FNTB: variants seen among roughly 807,000 people sequenced by gnomAD.
FNTB encodes the protein farnesyltransferase, CAAX box, subunit beta, also known as protein farnesyltransferase subunit beta.
Under a neutral mutation model 59.4 loss-of-function variants are expected in FNTB, and 27 were observed. The ratio of observed to expected loss-of-function variants is 0.45; its 90% CI spans 0.34 to 0.63. FNTB has a LOEUF of 0.63. Among genes scored for constraint, FNTB ranks in the 20% least tolerant of loss-of-function variants. The pLI is 0.02. For missense variants in FNTB, 449 were observed against 559.6 expected, an observed-to-expected ratio of 0.80 and a Z score of 1.99; for synonymous variants, 230 against 220.7, an observed-to-expected ratio of 1.04 and a Z score of -0.37.
intron 11 of FNTB, among the ~76,000 whole-genome samples, chr14:65,059,837 C>CTTTTTTTTT (rs34459085): frequency 1.5e-5 from 2 of 134,242 alleles, no homozygotes; most frequent in African/African-American, 2.8e-5. Flanking sequence ...GTCCTTTTTT[C>CTTTTTTTTT]TTTTTTTTTT....
rs1340431859 is a variant in FNTB at position 65,014,086 on chromosome 14, G to T, written c.283-1539G>T. 1.3e-5 allele frequency among the ~76,000 whole-genome samples: 2 copies of T among 152,194 alleles called. No homozygotes were observed. Among genetic ancestry groups the T allele is most frequent in the Non-Finnish European group, 2.9e-5 (2 of 68,038 alleles). ...GGATATCAGCATAGTTTTGAAGAGAGCAGCTTGGGCCAACGGAAAGAACAC... is the reference window on the plus strand; with the variant it reads ...GGATATCAGCATAGTTTTGAAGAGATCAGCTTGGGCCAACGGAAAGAACAC... On this transcript the variant is annotated intron_variant, in intron 3 of 11. Transcript: ENST00000246166. This position sits in a 1 kb window ranked among gnomAD's most constrained non-coding sequence, Gnocchi z 5.1.
chr14:65,055,855 G>C (rs2062724632), intron 11 of FNTB, among the ~76,000 whole-genome samples: 1 of 152,112 alleles, frequency 6.6e-6, no homozygotes, highest in Admixed American at 6.5e-5. Flanking sequence ...ATTTCAAATG[G>C]AAGAAACACA....
intron 7 of FNTB, among the ~76,000 whole-genome samples, chr14:65,037,521 A>C (rs2062229425): frequency 7.4e-6 from 1 of 135,190 alleles, no homozygotes; most frequent in Non-Finnish European, 1.5e-5. Flanking sequence ...TGTTGCCTCG[A>C]CTTTCCAGGC....
rs1434063712 is a variant in FNTB, at chr14:65,028,565, A to G, written c.605+784A>G. The stretch of plus-strand genomic sequence containing the variant: ...AGTTGATTAATAGTCTGGCTTAAGC[A>G]TCTGGTTTAACCATTGGTTTGAAAG... On this transcript the variant is annotated intron_variant, in intron 6 of 11. Transcript: ENST00000246166. The surrounding 1 kb of genome is among the most constrained non-coding windows in gnomAD (Gnocchi z 4.4). Among the ~76,000 whole-genome samples, 2 of 152,254 alleles carry G rather than the reference A, an allele frequency of 1.3e-5. No homozygotes were observed. Among genetic ancestry groups the G allele is most frequent in the East Asian group, 3.8e-4 (2 of 5,200 alleles).
chr14:65,051,535 C>T (rs943401871), intron 9 of FNTB, among the ~76,000 whole-genome samples: 13 of 151,648 alleles, frequency 8.6e-5, no homozygotes, highest in East Asian at 5.9e-4. Context: ...CGCTTGAACC[C>T]GGGAGGCGGA....
rs780658590 is a variant in FNTB, at chr14:65,054,630, C to A, written c.1123C>A (p.His375Asn). The A allele has an allele frequency of 6.2e-7, 1 of 1,613,884 alleles. No homozygotes were observed. Among genetic ancestry groups the A allele is most frequent in the East Asian group, 2.2e-5 (1 of 44,850 alleles). ...CCTGAGCGGCCTGTCCATAGCCCAG[C>A]ACTTCGGCAGCGGAGCCATGTTGCA... ...YCLSGLSIAQHFGSGAMLHDV... is the reference protein window; with the variant it reads ...YCLSGLSIAQNFGSGAMLHDV... Residue 375 changes from histidine (H) to asparagine (N), a missense_variant, in exon 11 of 12, where the codon CAC becomes AAC. Physicochemically the swap from His to Asn is moderately conservative, Grantham distance 68. Coordinates refer to ENST00000246166, the MANE Select transcript of FNTB (RefSeq NM_002028.4). The surrounding 1 kb of genome is among the most constrained non-coding windows in gnomAD (Gnocchi z 4.4).
chr14:65,035,222 G>C (rs1415272538), intron 7 of FNTB, among the ~76,000 whole-genome samples: 2 of 152,130 alleles, frequency 1.3e-5, no homozygotes, highest in Non-Finnish European at 2.9e-5. Flanking sequence ...TGCTGCTGCC[G>C]CCCTGGGCTA....
At chr14:64,999,455 A>G (rs980972359) in intron 1 of FNTB, among the ~76,000 whole-genome samples, 19 of 152,132 alleles carry the variant, frequency 1.2e-4, no homozygotes, top group African/African-American at 4.3e-4. Flanking sequence ...AAGAAAGTAA[A>G]TTAGTGGTTA....
Position 65,027,794 on chromosome 14 carries a change from T to G in FNTB, c.605+13T>G. On this transcript the variant is annotated intron_variant, in intron 6 of 11. Coordinates refer to ENST00000246166, the MANE Select transcript of FNTB (RefSeq NM_002028.4). The surrounding 1 kb of genome is among the most constrained non-coding windows in gnomAD (Gnocchi z 5.7). ...AGGTGGATGTGAGGTGAGTGGGGTT[T>G]TGCACAGGCTGCCACATCAGTTGAC... The G allele has an allele frequency of 1.2e-6, 2 of 1,614,038 alleles. No individual in the cohort carries two copies. Among genetic ancestry groups the G allele is most frequent in the Non-Finnish European group, 1.7e-6 (2 of 1,180,014 alleles).
intron 4 of FNTB, among the ~76,000 whole-genome samples, chr14:65,019,154 CAA>C (rs535881968): frequency 7.4e-4 from 113 of 151,908 alleles, no homozygotes; most frequent in South Asian, 1.7e-3. Flanking sequence ...GCCTGGGCAA[CAA>C]GAGTGAAACT....
chr14:64,993,358 C>T (rs973813431), intron 1 of FNTB, among the ~76,000 whole-genome samples: 6 of 152,350 alleles, frequency 3.9e-5, no homozygotes, highest in Non-Finnish European at 8.8e-5. Flanking sequence ...GGGATAATTA[C>T]TAAATTTGTG....
chr14:65,053,206 C>T (rs377408308), intron 9 of FNTB, 32 bp from the exon 10 acceptor site: 90 of 1,341,742 alleles, frequency 6.7e-5, no homozygotes, highest in Non-Finnish European at 8.2e-5. Flanking sequence ...CTGGATCTGC[C>T]GGGCCCTTAC....
chr14:65,039,805 A>G (rs1441636450), intron 7 of FNTB, among the ~76,000 whole-genome samples: 1 of 152,194 alleles, frequency 6.6e-6, no homozygotes, highest in Non-Finnish European at 1.5e-5. Context: ...AATAACGTTT[A>G]TTTTTTAATA....
rs762083594 is a variant in FNTB, at chr14:65,044,810, C to A, written c.955+367C>A. 2 of 202,906 alleles carry A rather than the reference C, an allele frequency of 9.9e-6. No homozygotes were observed. Among genetic ancestry groups the A allele is most frequent in the Non-Finnish European group, 2.0e-5 (2 of 101,134 alleles). The allele number at this position is 202,906 out of a possible 1,614,324, so 12.6% of individuals were successfully genotyped here. On this transcript the variant is annotated intron_variant, in intron 9 of 11. Transcript: ENST00000246166. The surrounding 1 kb of genome is among the most constrained non-coding windows in gnomAD (Gnocchi z 5.5). The stretch of plus-strand genomic sequence containing the variant: ...TGGGTGCAGGGCAGAGCTGAAAACC[C>A]TCAGTGTTGCAACAGTCACTGTTGC...
Position 65,027,912 on chromosome 14 carries a change from TCAGTGACAC to T in FNTB, c.605+132_605+140del. On this transcript the variant is annotated intron_variant, in intron 6 of 11. Transcript: ENST00000246166. This position sits in a 1 kb window ranked among gnomAD's most constrained non-coding sequence, Gnocchi z 5.7. Reference sequence around the variant, plus strand: ...CCAGAATGACACATGGGATGACATGTCAGTGACACGTCAGAATCATTCAGATGTGATGCA... The same window carrying T: ...CCAGAATGACACATGGGATGACATGTGTCAGAATCATTCAGATGTGATGCA... The T allele has an allele frequency of 2.6e-6, 3 of 1,160,872 alleles. No homozygotes were observed. The highest frequency in any genetic ancestry group is 3.7e-6 in the Non-Finnish European group (3 of 808,502). The allele number at this position is 1,160,872 out of a possible 1,614,324, so 71.9% of individuals were successfully genotyped here. A position where few individuals can be genotyped will look rare whatever the true frequency, so the allele number is the denominator to read the frequency against.
At chr14:65,040,431 A>G (rs1232174123) in intron 7 of FNTB, among the ~76,000 whole-genome samples, 1 of 151,556 alleles carries the variant, frequency 6.6e-6, no homozygotes, top group Admixed American at 6.6e-5. Context: ...TTAACATTTT[A>G]CAGTTTTTAT....
chr14:65,054,190 G>A lies in FNTB; in HGVS notation c.1068-385G>A, dbSNP rs2062676791. Among the ~76,000 whole-genome samples, 1 of 152,032 alleles carries A rather than the reference G, an allele frequency of 6.6e-6. No homozygotes were observed. The highest frequency in any genetic ancestry group is 2.4e-5 in the African/African-American group (1 of 41,400). On this transcript the variant is annotated intron_variant, in intron 10 of 11. Coordinates refer to ENST00000246166, the MANE Select transcript of FNTB (RefSeq NM_002028.4). This position sits in a 1 kb window ranked among gnomAD's most constrained non-coding sequence, Gnocchi z 4.4. ...TGCAGTGTCACAATCATGACTCACT[G>A]CAGCCTTCACCTCTTGGGCTCGAGT...
rs1491221902 is a variant in FNTB at position 65,005,522 on chromosome 14, T to TC, written c.209+1209_209+1210insC. Among the ~76,000 whole-genome samples the TC allele has an allele frequency of 2.3e-3, 146 of 63,838 alleles. 1 individual carries two copies. The highest frequency in any genetic ancestry group is 0.021 in the South Asian group (53 of 2,514). The allele number at this position is 63,838 out of a possible 152,430, so 41.9% of individuals were successfully genotyped here. A position where few individuals can be genotyped will look rare whatever the true frequency, so the allele number is the denominator to read the frequency against. ...CTTTCTTTCTTTCTTTCTCTCTCTC[T>TC]TTCTCTTTCTCTTTCTTTCTCTCCT... On this transcript the variant is annotated intron_variant, in intron 2 of 11. Transcript: ENST00000246166.
rs760161193 is a variant in FNTB at position 65,054,908 on chromosome 14, C to G, written c.1182+219C>G. On this transcript the variant is annotated intron_variant, in intron 11 of 11. Transcript: ENST00000246166. This position sits in a 1 kb window ranked among gnomAD's most constrained non-coding sequence, Gnocchi z 4.4. ...GTTCCAGATGGGCGGTCTGATCTGT[C>G]AAAGAGCTGTTGTGCCTTTATCCCA... Among the ~76,000 whole-genome samples the G allele has an allele frequency of 1.3e-5, 2 of 152,190 alleles. No homozygotes were observed. Among genetic ancestry groups the G allele is most frequent in the Non-Finnish European group, 2.9e-5 (2 of 68,032 alleles).
Sources: allele counts gnomAD v4.1 joint callset (sites outside exome capture counted in the v4.1 genomes callset), GRCh38; gene constraint gnomAD v4.1.1; non-coding constraint Gnocchi (gnomAD v3.1); transcripts MANE v1.5; gene names NCBI Gene and HGNC (gene_info 2026-07-23, HGNC 2026-07-21).